CACNA1C: variants seen among roughly 807,000 people sequenced by gnomAD.
CACNA1C encodes voltage-dependent L-type calcium channel subunit alpha-1C.
A neutral mutation model predicts 229.0 loss-of-function variants in CACNA1C; 30 were observed. The observed-to-expected ratio is 0.13, with a 90% CI of 0.10 to 0.18. CACNA1C has a LOEUF of 0.18. CACNA1C is among the 10% of genes least tolerant of loss of function. CACNA1C has a pLI of 1.00. For missense variants in CACNA1C, 1,658 were observed against 2,845.0 expected, an observed-to-expected ratio of 0.58 and a Z score of 9.49; for synonymous variants, 1,114 against 1,132.5, an observed-to-expected ratio of 0.98 and a Z score of 0.33.
At chr12:2,200,725 G>A (rs377037710) in intron 3 of CACNA1C, among the ~76,000 whole-genome samples, 4 of 152,302 alleles carry the variant, frequency 2.6e-5, no homozygotes, top group African/African-American at 9.6e-5. Flanking sequence ...TGGTAGCTGT[G>A]GGAGTTACTT....
At chr12:2,621,368 A>G (rs1438987405) in intron 29 of CACNA1C, among the ~76,000 whole-genome samples, 2 of 152,164 alleles carry the variant, frequency 1.3e-5, no homozygotes, top group Non-Finnish European at 2.9e-5. Context: ...TTCAGGCAGA[A>G]GGAAGAGCAA....
chr12:2,057,359 T>C (rs947348457), intron 1 of CACNA1C, among the ~76,000 whole-genome samples: 11 of 152,214 alleles, frequency 7.2e-5, no homozygotes, highest in Non-Finnish European at 1.6e-4. Flanking sequence ...TGGCCAGACC[T>C]GCAGTAGATG....
chr12:2,691,171 A>G lies in CACNA1C; in HGVS notation c.6389A>G (p.Asp2130Gly). The G allele has an allele frequency of 6.3e-7, 1 of 1,596,976 alleles. No homozygotes were observed. The highest frequency in any genetic ancestry group is 8.6e-7 in the Non-Finnish European group (1 of 1,169,164). ...RGRPSEEELQ[D>G]SRVYVSSL ...CGACCGAGTGAGGAGGAGCTCCAGG[A>G]CAGCAGGGTCTACGTCAGCAGCCTG... The change falls in exon 47 of 47, where the codon GAC becomes GGC. Residue 2130 changes from aspartate to glycine, a missense_variant. Around this residue, in one of 20 missense-constraint regions of CACNA1C, gnomAD observed 590 missense variants for 700.8 expected, o/e 0.84. Transcript: ENST00000399655.
At chr12:2,500,187 C>T (rs1166247011) in intron 7 of CACNA1C, among the ~76,000 whole-genome samples, 1 of 152,194 alleles carries the variant, frequency 6.6e-6, no homozygotes, top group Non-Finnish European at 1.5e-5. Flanking sequence ...AACCAGCCCA[C>T]AGCCCAGGGG....
At chr12:2,252,648 G>C (rs2076001504) in intron 3 of CACNA1C, among the ~76,000 whole-genome samples, 1 of 152,340 alleles carries the variant, frequency 6.6e-6, no homozygotes, top group Admixed American at 6.5e-5. Context: ...TGGGTTCCAG[G>C]AGATTATTCA....
intron 1 of CACNA1C, among the ~76,000 whole-genome samples, chr12:1,980,538 A>C (rs1407167570): frequency 1.3e-5 from 2 of 151,756 alleles, no homozygotes; most frequent in African/African-American, 4.8e-5. Context: ...TTTTCTTTTC[A>C]TTATCCCAAA....
chr12:2,633,729 C>G lies in CACNA1C; in HGVS notation c.3829-568C>G. On this transcript the variant is annotated intron_variant, in intron 29 of 46. Coordinates refer to ENST00000399655, the MANE Select transcript of CACNA1C (RefSeq NM_000719.7). This position sits in a 1 kb window ranked among gnomAD's most constrained non-coding sequence, Gnocchi z 5.8. Reference sequence around the variant, plus strand: ...GAGACTAATGTGAGTATTACTCTGCCCTCCCCAGGAAACCTCCTCATTCCT... The same window carrying G: ...GAGACTAATGTGAGTATTACTCTGCGCTCCCCAGGAAACCTCCTCATTCCT... 6.9e-7 allele frequency: 1 copy of G among 1,445,756 alleles called. No individual in the cohort carries two copies. Among genetic ancestry groups the G allele is most frequent in the Non-Finnish European group, 9.7e-7 (1 of 1,027,344 alleles). The allele number at this position is 1,445,756 out of a possible 1,614,324, so 89.6% of individuals were successfully genotyped here.
At chr12:2,423,691 C>G (rs1475788888) in intron 3 of CACNA1C, among the ~76,000 whole-genome samples, 1 of 152,170 alleles carries the variant, frequency 6.6e-6, no homozygotes, top group Non-Finnish European at 1.5e-5. Context: ...ACTGACCCCA[C>G]AGTCTGTATG....
At chr12:2,468,853 A>G (rs1249026201) in intron 5 of CACNA1C, among the ~76,000 whole-genome samples, 1 of 152,232 alleles carries the variant, frequency 6.6e-6, no homozygotes, top group African/African-American at 2.4e-5. Flanking sequence ...CCTCACCTGC[A>G]AAATGGGAGG....
At chr12:2,306,366 C>T (rs145043861) in intron 3 of CACNA1C, among the ~76,000 whole-genome samples, 6 of 152,188 alleles carry the variant, frequency 3.9e-5, no homozygotes, top group African/African-American at 1.4e-4. Context: ...CAGCTGGGGG[C>T]CCTCTTGGGT....
intron 1 of CACNA1C, among the ~76,000 whole-genome samples, chr12:2,057,274 C>T (rs2055417134): frequency 6.6e-6 from 1 of 152,378 alleles, no homozygotes; most frequent in Non-Finnish European, 1.5e-5. Flanking sequence ...CTTCCTAGTA[C>T]AGGCCGCTGC....
At chr12:2,221,989 A>G (rs572854110) in intron 3 of CACNA1C, among the ~76,000 whole-genome samples, 8 of 152,364 alleles carry the variant, frequency 5.3e-5, no homozygotes, top group South Asian at 2.1e-4. Flanking sequence ...CTCTATTTAC[A>G]TCTCATATGA....
At chr12:2,078,945 A>G (rs1325744628) in intron 1 of CACNA1C, among the ~76,000 whole-genome samples, 2 of 152,198 alleles carry the variant, frequency 1.3e-5, no homozygotes, top group Non-Finnish European at 1.5e-5. Context: ...AATACTATGC[A>G]GCCATAAAAA....
Position 2,649,997 on chromosome 12 carries a change from A to G in CACNA1C, c.3945+1490A>G, listed in dbSNP as rs2094771978. Among the ~76,000 whole-genome samples the G allele has an allele frequency of 6.6e-6, 1 of 152,180 alleles. No individual in the cohort carries two copies. Among genetic ancestry groups the G allele is most frequent in the Non-Finnish European group, 1.5e-5 (1 of 68,030 alleles). ...ACACAGGCAGGGAAGAGCCCAGGGCAGGACAGGGCTGCTGCCTGCAGCTCT... is the reference window on the plus strand; with the variant it reads ...ACACAGGCAGGGAAGAGCCCAGGGCGGGACAGGGCTGCTGCCTGCAGCTCT... On this transcript the variant is annotated intron_variant, in intron 31 of 46. Coordinates refer to ENST00000399655, the MANE Select transcript of CACNA1C (RefSeq NM_000719.7). This position sits in a 1 kb window ranked among gnomAD's most constrained non-coding sequence, Gnocchi z 4.4.
At chr12:2,640,651 G>A (rs2093572666) in intron 30 of CACNA1C, among the ~76,000 whole-genome samples, 2 of 152,184 alleles carry the variant, frequency 1.3e-5, no homozygotes, top group South Asian at 4.2e-4. Context: ...GGCAGAGAGT[G>A]TCCAGGGATC....
intron 1 of CACNA1C, among the ~76,000 whole-genome samples, chr12:1,988,587 T>C (rs1401360578): frequency 6.6e-6 from 1 of 152,256 alleles, no homozygotes; most frequent in Non-Finnish European, 1.5e-5. Flanking sequence ...ATTCTATCTC[T>C]TTCGTAAAAT....
At chr12:2,581,921 G>A in intron 14 of CACNA1C, 124 bp downstream of exon 14, 1 of 588,366 alleles carries the variant, frequency 1.7e-6, no homozygotes, top group Non-Finnish European at 3.0e-6. Context: ...GCCCTGGAGA[G>A]CCCATGCCCG....
At chr12:2,580,296 G>C (rs2060042409) in intron 13 of CACNA1C, among the ~76,000 whole-genome samples, 1 of 152,224 alleles carries the variant, frequency 6.6e-6, no homozygotes, top group Non-Finnish European at 1.5e-5. Context: ...GGTTGGTAAA[G>C]AGTTCATGTT....
In CACNA1C at chr12:2,287,624, A is replaced by T. The variant is rs1276680286; in HGVS notation, c.478-161352A>T. 2.0e-5 allele frequency among the ~76,000 whole-genome samples: 3 copies of T among 152,176 alleles called. No individual in the cohort carries two copies. Among genetic ancestry groups the T allele is most frequent in the Admixed American group, 6.5e-5 (1 of 15,282 alleles). On this transcript the variant is annotated intron_variant, in intron 3 of 46. Transcript: ENST00000399655. The surrounding 1 kb of genome is among the most constrained non-coding windows in gnomAD (Gnocchi z 4.6). ...TTCTCATCCCTGGCCACACATAAGAATCATCTGGGATCATTTAACAAAAAA... is the reference window on the plus strand; with the variant it reads ...TTCTCATCCCTGGCCACACATAAGATTCATCTGGGATCATTTAACAAAAAA...
Sources: allele counts gnomAD v4.1 joint callset (sites outside exome capture counted in the v4.1 genomes callset), GRCh38; gene constraint gnomAD v4.1.1; regional missense constraint gnomAD v4.1.1; non-coding constraint Gnocchi (gnomAD v3.1); transcripts MANE v1.5; gene names NCBI Gene and HGNC (gene_info 2026-07-23, HGNC 2026-07-21).